The following LRP1B variants were observed in gnomAD, a reference collection of about 807,000 sequenced individuals.
LRP1B encodes the protein low-density lipoprotein receptor-related protein 1B.
A neutral mutation model predicts 556.6 loss-of-function variants in LRP1B; 217 were observed. The observed-to-expected ratio is 0.39, with a 90% CI of 0.35 to 0.44. LRP1B has a LOEUF of 0.44. Ranked by LOEUF, LRP1B falls within the 20% of genes least tolerant of loss-of-function variation. The probability of loss-of-function intolerance (pLI) is 1.00; values close to 1 mark genes in which losing one functional copy is unlikely to be tolerated. For synonymous variants in LRP1B, 2,047 were observed against 1,865.8 expected (o/e 1.10, Z -2.50); for missense variants, 5,053 against 5,620.8 (o/e 0.90, Z 3.23).
At chr2:140,238,935 C>T (rs946585807) in intron 88 of LRP1B, among the ~76,000 whole-genome samples, 4 of 150,800 alleles carry the variant, frequency 2.7e-5, no homozygotes, top group Non-Finnish European at 6.0e-5. Flanking sequence ...ACACATGGCT[C>T]TTGTCTTTCT....
rs377403105 is a variant in LRP1B at position 140,758,727 on chromosome 2, C to G, written c.5758+10486G>C. ...GTAAATTAAAATCTGAGCCAGTGAG[C>G]TCAAAATATCAGTTGCTTTACCACT... On this transcript the variant is annotated intron_variant, in intron 35 of 90. Transcript: ENST00000389484. Among the ~76,000 whole-genome samples the G allele has an allele frequency of 8.6e-5, 13 of 151,780 alleles. No individual in the cohort carries two copies. The East Asian group carries it at 2.3e-3, about 27-fold the overall frequency.
chr2:141,903,745 G>C lies in LRP1B; in HGVS notation c.83-93344C>G, dbSNP rs1014684572. Among the ~76,000 whole-genome samples the C allele has an allele frequency of 2.6e-5, 4 of 151,980 alleles. No individual in the cohort carries two copies. In the East Asian group the frequency reaches 7.7e-4, roughly 29 times the overall value. On this transcript the variant is annotated intron_variant, in intron 1 of 90. Transcript: ENST00000389484. ...GCCTACAAAGAGTTTACAGATTTGG[G>C]GTTGGGAGTTAGGAGCCATAAACAC...
chr2:141,868,111 C>T (rs1191544600), intron 1 of LRP1B, among the ~76,000 whole-genome samples: 1 of 152,048 alleles, frequency 6.6e-6, no homozygotes, highest in African/African-American at 2.4e-5. Flanking sequence ...CATAGAAATG[C>T]CTTCAAATAC....
At chr2:141,549,724 C>T (rs988057721) in intron 2 of LRP1B, among the ~76,000 whole-genome samples, 2 of 152,120 alleles carry the variant, frequency 1.3e-5, no homozygotes, top group African/African-American at 2.4e-5. Flanking sequence ...GGGCCAGGAG[C>T]GGTGGCTCAC....
At position 140,238,318 on chromosome 2, in the gene LRP1B, A is replaced by G. The variant is rs1013750952; in HGVS notation, c.13416-22T>C. The G allele has an allele frequency of 3.0e-6, 4 of 1,320,662 alleles. No homozygotes were observed. In the African/African-American group the frequency reaches 5.9e-5, roughly 20 times the overall value. The allele number at this position is 1,320,662 out of a possible 1,614,324, so 81.8% of individuals were successfully genotyped here. A position where few individuals can be genotyped will look rare whatever the true frequency, so the allele number is the denominator to read the frequency against. ...TGTCCTAGAATATATAAACATTAAT[A>G]TGTGTGAGTTTTGTATAAATATCAC... is the stretch of plus-strand genomic sequence containing the variant. On this transcript the variant is annotated intron_variant, in intron 88 of 90. Transcript: ENST00000389484.
chr2:140,516,165 C>T (rs577132658), intron 50 of LRP1B, among the ~76,000 whole-genome samples: 1 of 152,032 alleles, frequency 6.6e-6, no homozygotes, highest in Non-Finnish European at 1.5e-5. Context: ...GTAATTAGTA[C>T]AAAATTTCAG....
At chr2:141,173,493 C>A (rs768319311) in intron 7 of LRP1B, among the ~76,000 whole-genome samples, 8 of 152,072 alleles carry the variant, frequency 5.3e-5, no homozygotes, top group Admixed American at 1.3e-4. Flanking sequence ...CCAACCCATG[C>A]TACACATGGC....
At chr2:141,411,437 A>G (rs1190832786) in intron 3 of LRP1B, among the ~76,000 whole-genome samples, 2 of 152,114 alleles carry the variant, frequency 1.3e-5, no homozygotes, top group Non-Finnish European at 2.9e-5. Context: ...CCTTAAGAGA[A>G]ACTTAAAATA....
chr2:141,329,960 C>A (rs934230656), intron 3 of LRP1B, among the ~76,000 whole-genome samples: 3 of 151,570 alleles, frequency 2.0e-5, no homozygotes, highest in African/African-American at 7.3e-5. Context: ...GGTATTGCAC[C>A]TGGATTCTAT....
At chr2:140,292,155 T>G (rs1301738848) in intron 84 of LRP1B, among the ~76,000 whole-genome samples, 1 of 152,152 alleles carries the variant, frequency 6.6e-6, no homozygotes, top group Non-Finnish European at 1.5e-5. Context: ...AAACTGTGGT[T>G]CCTGTGCTCT....
chr2:142,115,572 T>TATTATATATATTATATATATATTA (rs1219018341), intron 1 of LRP1B, among the ~76,000 whole-genome samples: 3 of 36,340 alleles, frequency 8.3e-5, no homozygotes, highest in Non-Finnish European at 1.5e-4. Context: ...GTAATATATA[T>TATTATATATATTATATATATATTA]TATATATGTA....
chr2:141,095,000 A>G (rs1018979423), intron 7 of LRP1B, among the ~76,000 whole-genome samples: 1 of 152,160 alleles, frequency 6.6e-6, no homozygotes, highest in African/African-American at 2.4e-5. Context: ...GACTAGGCCA[A>G]GAGGGTAAAG....
chr2:141,546,343 T>A (rs1159813527), intron 2 of LRP1B, among the ~76,000 whole-genome samples: 1 of 152,112 alleles, frequency 6.6e-6, no homozygotes, highest in African/African-American at 2.4e-5. Flanking sequence ...GTCAAAAAGC[T>A]AGTAAGCGGG....
chr2:142,071,926 C>T (rs949185104), intron 1 of LRP1B, among the ~76,000 whole-genome samples: 1 of 151,982 alleles, frequency 6.6e-6, no homozygotes, highest in African/African-American at 2.4e-5. Flanking sequence ...CAGCCTTAAA[C>T]TAGATCTTCT....
rs370282004 is a variant in LRP1B, at chr2:141,364,604, T to A, written c.344-109963A>T. On this transcript the variant is annotated intron_variant, in intron 3 of 90. Coordinates refer to ENST00000389484, the MANE Select transcript of LRP1B (RefSeq NM_018557.3). ...CATAACATAGATTTATACACATGCA[T>A]CTTTCAATCTGGCAGCTGAAAGGTA... Among the ~76,000 whole-genome samples the A allele has an allele frequency of 4.5e-4, 68 of 152,340 alleles. No individual in the cohort carries two copies. The East Asian group carries it at 0.011, about 25-fold the overall frequency.
intron 43 of LRP1B, among the ~76,000 whole-genome samples, chr2:140,578,751 AAAAT>A (rs992866281): frequency 1.1e-4 from 17 of 152,266 alleles, no homozygotes; most frequent in African/African-American, 4.1e-4. Flanking sequence ...AAAAAAAAAT[AAAAT>A]AAATAAAAAA....
At chr2:141,324,815 G>T (rs1687376685) in intron 3 of LRP1B, among the ~76,000 whole-genome samples, 1 of 151,986 alleles carries the variant, frequency 6.6e-6, no homozygotes, top group African/African-American at 2.4e-5. Flanking sequence ...ACAATAACTT[G>T]CTTCTCTAGA....
rs2105182704 is a variant in LRP1B at position 140,378,175 on chromosome 2, C to T, written c.10638+5G>A. ...CTTTCTTTTTGATTTTACAAAGATG[C>T]CTACCTCATCAGAGCCATCTGCACA... On this transcript the variant is annotated splice_donor_5th_base_variant and intron_variant, in intron 68 of 90. Transcript: ENST00000389484. 6.3e-7 allele frequency: 1 copy of T among 1,593,018 alleles called. No individual in the cohort carries two copies. Among genetic ancestry groups the T allele is most frequent in the Non-Finnish European group, 8.6e-7 (1 of 1,164,072 alleles).
rs371430375 is a variant in LRP1B at position 140,830,946 on chromosome 2, C to T, written c.5209+9045G>A. ...ACTGAAAAAGAGATTAAGAAACAAT[C>T]CCATATGCAATTGCTACAAAAAATA... is the stretch of plus-strand genomic sequence containing the variant. On this transcript the variant is annotated intron_variant, in intron 31 of 90. Transcript: ENST00000389484. Among the ~76,000 whole-genome samples, 30 of 152,064 alleles carry T rather than the reference C, an allele frequency of 2.0e-4. No homozygotes were observed. The South Asian group carries it at 6.2e-3, about 32-fold the overall frequency.
Sources: gnomAD v4.1 joint callset for allele counts (sites outside exome capture counted in the v4.1 genomes callset) on GRCh38, gnomAD v4.1.1 for gene constraint, MANE v1.5 for transcripts, NCBI Gene and HGNC (gene_info 2026-07-23, HGNC 2026-07-21) for gene names.